Variants in MYO3B observed in about 807,000 individuals in gnomAD.
The protein encoded by MYO3B is myosin IIIB.
MYO3B carries 156 observed loss-of-function variants against 174.6 expected under a neutral mutation model. The observed-to-expected ratio is 0.89, with a 90% CI of 0.78 to 1.02. The LOEUF (loss-of-function observed/expected upper bound fraction) is 1.02. Among genes scored for constraint, MYO3B ranks in the 50% least tolerant of loss-of-function variants. The pLI is 0.00. For synonymous variants in MYO3B, 563 were observed against 569.1 expected (o/e 0.99, Z 0.15); for missense variants, 1,632 against 1,639.4 (o/e 1.00, Z 0.08).
At chr2:170,212,674 C>T (rs979327186) in intron 3 of MYO3B, among the ~76,000 whole-genome samples, 1 of 152,116 alleles carries the variant, frequency 6.6e-6, no homozygotes, top group Non-Finnish European at 1.5e-5. Flanking sequence ...AGATGGAGTC[C>T]TGCTAACAGG....
At chr2:170,620,235 C>G (rs1254248678) in intron 32 of MYO3B, among the ~76,000 whole-genome samples, 1 of 152,068 alleles carries the variant, frequency 6.6e-6, no homozygotes, top group Non-Finnish European at 1.5e-5. Flanking sequence ...ATACAAATAC[C>G]TCAGTCTAAC....
chr2:170,478,169 T>G (rs1685430363), intron 25 of MYO3B, among the ~76,000 whole-genome samples: 2 of 152,124 alleles, frequency 1.3e-5, no homozygotes, highest in Non-Finnish European at 2.9e-5. Flanking sequence ...ATTCCTAGCT[T>G]CAGGGAGAGG....
Position 170,200,193 on chromosome 2 carries a change from T to C in MYO3B, c.230T>C (p.Phe77Ser). The C allele has an allele frequency of 6.2e-7, 1 of 1,613,588 alleles. No homozygotes were observed. The highest frequency in any genetic ancestry group is 8.5e-7 in the Non-Finnish European group (1 of 1,179,686). The change falls in exon 3 of 35, where the codon TTC becomes TCC. Residue 77 changes from phenylalanine to serine, a missense_variant. Phe to Ser is a radical substitution (Grantham distance 155). Coordinates refer to ENST00000408978, the MANE Select transcript of MYO3B (RefSeq NM_138995.5). ...GAGGCAGAATACAACATTTTGCAGT[T>C]CCTTCCTAATCATCCCAATGTTGTA... ...EIEAEYNILQ[F>S]LPNHPNVVKF...
chr2:170,634,707 T>C (rs1575306824), intron 32 of MYO3B, among the ~76,000 whole-genome samples: 1 of 152,332 alleles, frequency 6.6e-6, no homozygotes, highest in East Asian at 1.9e-4. Context: ...AGGAAATTTT[T>C]GCAATCTACC....
At chr2:170,615,905 T>C (rs947706265) in intron 32 of MYO3B, among the ~76,000 whole-genome samples, 6 of 152,182 alleles carry the variant, frequency 3.9e-5, no homozygotes, top group African/African-American at 1.4e-4. Context: ...GGTGAGATGG[T>C]CACATGGGGA....
chr2:170,199,918 A>G (rs1030069574), intron 2 of MYO3B, among the ~76,000 whole-genome samples: 6 of 152,254 alleles, frequency 3.9e-5, no homozygotes, highest in Admixed American at 3.9e-4. Context: ...CATTATTGAT[A>G]TAATTATGTA....
intron 32 of MYO3B, among the ~76,000 whole-genome samples, chr2:170,623,173 G>C (rs1300383665): frequency 1.3e-5 from 2 of 152,172 alleles, no homozygotes; most frequent in Non-Finnish European, 2.9e-5. Context: ...GGTTGAACTA[G>C]TGTACAGTCC....
chr2:170,649,686 G>GTGTGGTGGTGCACACCTGTAATCCCAGA, intron 32 of MYO3B, among the ~76,000 whole-genome samples: 1 of 150,746 alleles, frequency 6.6e-6, no homozygotes. Context: ...AATTTGCTGG[G>GTGTGGTGGTGCACACCTGTAATCCCAGA]TGTGGTGGTG....
chr2:170,626,937 C>T (rs1159514594), intron 32 of MYO3B, among the ~76,000 whole-genome samples: 2 of 152,148 alleles, frequency 1.3e-5, no homozygotes, highest in East Asian at 3.8e-4. Flanking sequence ...TGATGGGCTT[C>T]CCTTTGTGGG....
chr2:170,539,378 T>C (rs1284267419), intron 30 of MYO3B, among the ~76,000 whole-genome samples: 1 of 152,204 alleles, frequency 6.6e-6, no homozygotes, highest in Non-Finnish European at 1.5e-5. Flanking sequence ...CTGGGTGATA[T>C]TACATACTTC....
chr2:170,598,612 G>A (rs554640384), intron 32 of MYO3B, among the ~76,000 whole-genome samples: 2 of 152,204 alleles, frequency 1.3e-5, no homozygotes, highest in African/African-American at 4.8e-5. Flanking sequence ...CCACAGACCC[G>A]AGTCCATTGA....
chr2:170,634,974 G>T (rs1359878816), intron 32 of MYO3B, among the ~76,000 whole-genome samples: 1 of 152,232 alleles, frequency 6.6e-6, no homozygotes, highest in Non-Finnish European at 1.5e-5. Flanking sequence ...AGGTGCTGGA[G>T]AGGATGTGGA....
chr2:170,395,202 CCTT>C (rs745950110), intron 16 of MYO3B, among the ~76,000 whole-genome samples: 19 of 152,052 alleles, frequency 1.2e-4, no homozygotes, highest in Non-Finnish European at 2.1e-4. Context: ...GATGATGACT[CCTT>C]GTGGAGGGCT....
chr2:170,347,524 C>T (rs2094026014), intron 8 of MYO3B, among the ~76,000 whole-genome samples: 1 of 152,116 alleles, frequency 6.6e-6, no homozygotes, highest in African/African-American at 2.4e-5. Context: ...ATCGCTTGAA[C>T]CCGGGAGGTT....
In MYO3B at chr2:170,627,519, G is replaced by A. The variant is rs552114300; in HGVS notation, c.3734-24109G>A. On this transcript the variant is annotated intron_variant, in intron 32 of 34. Transcript: ENST00000408978. ...GAACTTCCTCCTTTAGCTCGGAGAA[G>A]TTTGGTCATCTGAAGCCTTCTTCTC... Among the ~76,000 whole-genome samples the A allele has an allele frequency of 7.2e-4, 109 of 152,336 alleles. 2 individuals are homozygous for A. In the South Asian group the frequency reaches 0.022, roughly 31 times the overall value.
chr2:170,292,715 G>A lies in MYO3B; in HGVS notation c.750-42670G>A, dbSNP rs78121852. On this transcript the variant is annotated intron_variant, in intron 7 of 34. Transcript: ENST00000408978. The stretch of plus-strand genomic sequence containing the variant: ...CAAAGGGATTATCCAACCAGTGTGG[G>A]AAGGCTGGGTAGGGGTTCATGTTCA... 6.1e-3 allele frequency among the ~76,000 whole-genome samples: 922 copies of A among 152,272 alleles called. 6 individuals carry two copies. The highest frequency in any genetic ancestry group is 9.4e-3 in the Non-Finnish European group (640 of 68,022).
chr2:170,476,434 A>G (rs924589171), intron 25 of MYO3B, among the ~76,000 whole-genome samples: 15 of 152,142 alleles, frequency 9.9e-5, no homozygotes, highest in Non-Finnish European at 1.9e-4. Context: ...ATGGGCTTGA[A>G]GGATGAATGC....
intron 7 of MYO3B, among the ~76,000 whole-genome samples, chr2:170,275,969 T>C (rs893722097): frequency 2.6e-5 from 4 of 152,236 alleles, no homozygotes; most frequent in African/African-American, 2.4e-5. Context: ...TAAACTTTAC[T>C]AAATTCAAGC....
At chr2:170,648,702 TATTATATTCTATATAATATG>T (rs1408063182) in intron 32 of MYO3B, among the ~76,000 whole-genome samples, 1 of 129,742 alleles carries the variant, frequency 7.7e-6, no homozygotes, top group African/African-American at 3.0e-5. Flanking sequence ...ATATAATATA[TATTATATTCTATATAATATG>T]TAAAATATAT....
Sources: gnomAD v4.1 joint callset for allele counts (sites outside exome capture counted in the v4.1 genomes callset) on GRCh38, gnomAD v4.1.1 for gene constraint, MANE v1.5 for transcripts, NCBI Gene and HGNC (gene_info 2026-07-23, HGNC 2026-07-21) for gene names.